HMCN1: variants seen among roughly 807,000 people sequenced by gnomAD.
The protein encoded by HMCN1 is hemicentin-1.
Under a neutral mutation model 625.9 loss-of-function variants are expected in HMCN1, and 321 were observed. The ratio of observed to expected loss-of-function variants is 0.51; its 90% CI spans 0.47 to 0.56. HMCN1 has a LOEUF of 0.56. Ranked by LOEUF, HMCN1 falls within the 20% of genes least tolerant of loss-of-function variation. The probability of loss-of-function intolerance (pLI) is 0.00; values close to 1 mark genes in which losing one functional copy is unlikely to be tolerated. For missense variants in HMCN1, 6,588 were observed against 6,887.3 expected, an observed-to-expected ratio of 0.96 and a Z score of 1.54; for synonymous variants, 2,425 against 2,417.6, an observed-to-expected ratio of 1.00 and a Z score of -0.09.
At chr1:185,992,490 C>T (rs546905599) in intron 22 of HMCN1, among the ~76,000 whole-genome samples, 23 of 152,068 alleles carry the variant, frequency 1.5e-4, no homozygotes, top group Non-Finnish European at 1.3e-4. Context: ...GCCAGTTGCC[C>T]GACATCACTT....
intron 64 of HMCN1, 86 bp downstream of exon 64, chr1:186,091,003 C>T (rs765424228): frequency 5.0e-6 from 7 of 1,407,452 alleles, no homozygotes; most frequent in Non-Finnish European, 4.0e-6. Flanking sequence ...ATAATAATAC[C>T]GAATTCCATC....
intron 42 of HMCN1, among the ~76,000 whole-genome samples, chr1:186,051,714 A>G (rs1268862582): frequency 6.6e-6 from 1 of 152,054 alleles, no homozygotes; most frequent in Non-Finnish European, 1.5e-5. Context: ...AAGGTAGTTG[A>G]GAATATTGAC....
chr1:186,047,976 G>C (rs1656684198), intron 41 of HMCN1, among the ~76,000 whole-genome samples: 1 of 152,074 alleles, frequency 6.6e-6, no homozygotes, highest in African/African-American at 2.4e-5. Flanking sequence ...TGCAAACTTA[G>C]TTGGCAATAA....
At chr1:185,803,791 C>T (rs937160312) in intron 1 of HMCN1, among the ~76,000 whole-genome samples, 2 of 151,986 alleles carry the variant, frequency 1.3e-5, no homozygotes, top group African/African-American at 4.8e-5. Flanking sequence ...TTAGGTAAGC[C>T]AACCCTTCAG....
At chr1:185,754,626 T>C (rs1655018861) in intron 1 of HMCN1, among the ~76,000 whole-genome samples, 1 of 152,148 alleles carries the variant, frequency 6.6e-6, no homozygotes, top group Non-Finnish European at 1.5e-5. Flanking sequence ...AGAGAGGTGA[T>C]ATCACAATAG....
intron 36 of HMCN1, among the ~76,000 whole-genome samples, chr1:186,026,938 GT>G (rs1006830326): frequency 1.4e-4 from 21 of 149,390 alleles, no homozygotes; most frequent in South Asian, 4.2e-4. Flanking sequence ...CCCAGCCCAG[GT>G]TTTTTTTTTA....
chr1:185,761,926 C>T (rs1655533168), intron 1 of HMCN1, among the ~76,000 whole-genome samples: 1 of 152,090 alleles, frequency 6.6e-6, no homozygotes, highest in South Asian at 2.1e-4. Context: ...CTAAATATAG[C>T]ATCATATTAT....
intron 13 of HMCN1, 93 bp downstream of exon 13, chr1:185,963,988 T>G (rs928074012): frequency 8.0e-6 from 8 of 1,003,216 alleles, no homozygotes; most frequent in Admixed American, 1.7e-5. Context: ...ATATTAGTAA[T>G]GCATACATGG....
chr1:186,148,203 A>G (rs1004259908), intron 93 of HMCN1, among the ~76,000 whole-genome samples: 1 of 152,210 alleles, frequency 6.6e-6, no homozygotes, highest in Non-Finnish European at 1.5e-5. Context: ...GCAACTCCCC[A>G]TTCATTCAAG....
At position 186,000,049 on chromosome 1, in the gene HMCN1, C is replaced by T. The variant is rs571822082; in HGVS notation, c.3879C>T (p.Thr1293=). 1.1e-4 allele frequency: 172 copies of T among 1,605,306 alleles called. No homozygotes were observed. The South Asian group carries it at 1.8e-3, about 17-fold the overall frequency. ...RIEFPCPAKG[T]PKPTIKWLHN... ...AGACTTTAATTTCTTATTTAGGTAC[C>T]CCTAAACCAACCATCAAATGGTTAC... Residue 1293 remains threonine (T), a synonymous_variant, in exon 26 of 107, where the codon ACC becomes ACT. Transcript: ENST00000271588.
chr1:185,989,766 A>AT, intron 21 of HMCN1, 119 bp downstream of exon 21: 2 of 715,256 alleles, frequency 2.8e-6, no homozygotes, highest in East Asian at 3.1e-5. Flanking sequence ...GCTCCCCCAG[A>AT]TTTCTATTTT....
chr1:185,963,722 A>G (rs1039794292), intron 12 of HMCN1, 46 bp from the exon 13 acceptor site: 9 of 1,354,114 alleles, frequency 6.6e-6, no homozygotes, highest in Non-Finnish European at 9.5e-6. Flanking sequence ...TGATATTACT[A>G]TTGTGGCATT....
chr1:186,136,743 C>T lies in HMCN1; in HGVS notation c.13388C>T (p.Ala4463Val). 2 of 1,613,974 alleles carry T rather than the reference C, an allele frequency of 1.2e-6. No individual in the cohort carries two copies. Among genetic ancestry groups the T allele is most frequent in the Non-Finnish European group, 1.7e-6 (2 of 1,179,910 alleles). ...AGGKIILNCQ[A>V]TGEPQPTITW... ...GGCAAAATCATATTGAATTGTCAGG[C>T]AACTGGAGAGCCTCAACCAACCATT... Residue 4463 changes from alanine to valine, a missense_variant, in exon 87 of 107, where the codon GCA becomes GTA. Around this residue, in one of 3 missense-constraint regions of HMCN1, gnomAD observed 1,954 missense variants for 2,013.1 expected, o/e 0.97. Transcript: ENST00000271588.
intron 103 of HMCN1, among the ~76,000 whole-genome samples, chr1:186,176,183 G>A (rs1280986548): frequency 6.6e-6 from 1 of 152,118 alleles, no homozygotes; most frequent in Non-Finnish European, 1.5e-5. Context: ...TGTTTGGTGA[G>A]TTTATATCTT....
At chr1:186,148,200 C>T (rs1650442674) in intron 93 of HMCN1, among the ~76,000 whole-genome samples, 1 of 152,168 alleles carries the variant, frequency 6.6e-6, no homozygotes, top group Non-Finnish European at 1.5e-5. Context: ...GAAGCAACTC[C>T]CCATTCATTC....
chr1:186,187,687 G>A lies in HMCN1; in HGVS notation c.16415-196G>A, dbSNP rs534560645. ...CTTTCACATAAAGAAATATGTGCTC[G>A]AGGCAACCTGGGAAATAACCCTGCC... is the stretch of plus-strand genomic sequence containing the variant. On this transcript the variant is annotated intron_variant, in intron 105 of 106. Transcript: ENST00000271588. Among the ~76,000 whole-genome samples the A allele has an allele frequency of 1.3e-4, 20 of 152,016 alleles. No homozygotes were observed. The East Asian group carries it at 1.4e-3, about 10-fold the overall frequency.
chr1:185,971,837 G>A (rs1374278798), intron 15 of HMCN1, among the ~76,000 whole-genome samples: 1 of 152,074 alleles, frequency 6.6e-6, no homozygotes, highest in Non-Finnish European at 1.5e-5. Context: ...AACAAAGCTG[G>A]AAATGACCAC....
intron 93 of HMCN1, among the ~76,000 whole-genome samples, chr1:186,149,135 A>G (rs1313589022): frequency 2.2e-4 from 33 of 152,144 alleles, no homozygotes; most frequent in Admixed American, 2.2e-3. Flanking sequence ...TAAAGTCACC[A>G]ACTGCGTAAG....
In HMCN1 at chr1:186,178,602, C is replaced by A. The variant is rs1652745543; in HGVS notation, c.16130C>A (p.Pro5377His). 1 of 1,614,010 alleles carries A rather than the reference C, an allele frequency of 6.2e-7. No homozygotes were observed. The highest frequency in any genetic ancestry group is 1.7e-5 in the Admixed American group (1 of 60,002). Residue 5377 changes from proline to histidine, a missense_variant, in exon 104 of 107, where the codon CCT becomes CAT. Physicochemically the swap from Pro to His is moderately conservative, Grantham distance 77 (BLOSUM62 -2). Transcript: ENST00000271588. ...YSSYNLARFS[P>H]VRNNYQPQQH... ...AGCTATAACCTTGCACGGTTCTCCCCTGTGAGAAACAACTATCAACCTCAA... is the reference window on the plus strand; with the variant it reads ...AGCTATAACCTTGCACGGTTCTCCCATGTGAGAAACAACTATCAACCTCAA...
Sources: allele counts gnomAD v4.1 joint callset (sites outside exome capture counted in the v4.1 genomes callset), GRCh38; gene constraint gnomAD v4.1.1; regional missense constraint gnomAD v4.1.1; transcripts MANE v1.5; gene names NCBI Gene and HGNC (gene_info 2026-07-23, HGNC 2026-07-21).